The following NR4A2 variants were observed in gnomAD, a reference collection of about 807,000 sequenced individuals.
NR4A2 encodes the protein nuclear receptor subfamily 4 group A member 2, also known as NGFI-B/nur77 beta-type transcription factor homolog.
NR4A2 carries 1 observed loss-of-function variant against 50.5 expected under a neutral mutation model. That is an observed-to-expected ratio of 0.02 (90% confidence interval 0.01 to 0.09). NR4A2 has a LOEUF of 0.09. Among genes scored for constraint, NR4A2 ranks in the 10% least tolerant of loss-of-function variants. The pLI is 1.00. For synonymous variants in NR4A2, 328 were observed against 309.4 expected (o/e 1.06, Z -0.63); for missense variants, 613 against 777.3 (o/e 0.79, Z 2.51).
rs1686739778 is a variant in NR4A2, at chr2:156,328,106, G to A, written c.995-92C>T. 10 of 1,520,116 alleles carry A rather than the reference G, an allele frequency of 6.6e-6. No individual in the cohort carries two copies. Among genetic ancestry groups the A allele is most frequent in the Non-Finnish European group, 8.9e-6 (10 of 1,119,662 alleles). 94.2% of individuals were successfully genotyped at this position (1,520,116 alleles called of 1,614,324 possible). A position where few individuals can be genotyped will look rare whatever the true frequency, so the allele number is the denominator to read the frequency against. ...CCCCGGGGAAGGCCGCAGCCGCGGG[G>A]CACCAGGCTGAGCGGCTGAGGGCCC... is the stretch of plus-strand genomic sequence containing the variant. On this transcript the variant is annotated intron_variant, in intron 4 of 7. Transcript: ENST00000339562. The surrounding 1 kb of genome is among the most constrained non-coding windows in gnomAD (Gnocchi z 4.9).
intron 5 of NR4A2, 31 bp downstream of exon 5, chr2:156,327,820 C>T: frequency 6.4e-7 from 1 of 1,558,160 alleles, no homozygotes; most frequent in South Asian, 1.2e-5. Flanking sequence ...GTCGGTTTGT[C>T]CACATGATAT....
rs1259723742 is a variant in NR4A2, at chr2:156,328,644, A to G, written c.865-111T>C. 12 of 1,256,178 alleles carry G rather than the reference A, an allele frequency of 9.6e-6. No individual in the cohort carries two copies. The highest frequency in any genetic ancestry group is 1.3e-5 in the Non-Finnish European group (11 of 861,228). 77.8% of individuals were successfully genotyped at this position (1,256,178 alleles called of 1,614,324 possible). A position where few individuals can be genotyped will look rare whatever the true frequency, so the allele number is the denominator to read the frequency against. ...GGGTCTACGATTCCTCCCCACAAAC[A>G]AACACATACACACAATTCCATTTTA... On this transcript the variant is annotated intron_variant, in intron 3 of 7. Coordinates refer to ENST00000339562, the MANE Select transcript of NR4A2 (RefSeq NM_006186.4). The surrounding 1 kb of genome is among the most constrained non-coding windows in gnomAD (Gnocchi z 4.9).
Position 156,325,443 on chromosome 2 carries a change from C to A in NR4A2, c.*301G>T. The A allele has an allele frequency of 2.5e-6, 1 of 402,098 alleles. No homozygotes were observed. Among genetic ancestry groups the A allele is most frequent in the Non-Finnish European group, 4.7e-6 (1 of 213,094 alleles). The allele number at this position is 402,098 out of a possible 1,614,324, so 24.9% of individuals were successfully genotyped here. A position where few individuals can be genotyped will look rare whatever the true frequency, so the allele number is the denominator to read the frequency against. ...AGCAATCTTTCTTCTGAACAACAAA[C>A]TGATTTTTAAACTGAGAATAAAAAG... On this transcript the variant is annotated 3_prime_UTR_variant, in exon 8 of 8. Coordinates refer to ENST00000339562, the MANE Select transcript of NR4A2 (RefSeq NM_006186.4).
Position 156,329,304 on chromosome 2 carries a change from C to G in NR4A2, c.864+19G>C, listed in dbSNP as rs980830107. On this transcript the variant is annotated intron_variant, in intron 3 of 7. Transcript: ENST00000339562. This position sits in a 1 kb window ranked among gnomAD's most constrained non-coding sequence, Gnocchi z 7.5. ...CTAGGGGCTCCCTACCTGCCTACTCCGCTCCCGCCATTGCTCACCTTAAAG... is the reference window on the plus strand; with the variant it reads ...CTAGGGGCTCCCTACCTGCCTACTCGGCTCCCGCCATTGCTCACCTTAAAG... 3.1e-6 allele frequency: 5 copies of G among 1,604,988 alleles called. No homozygotes were observed. The South Asian group carries it at 4.5e-5, about 14-fold the overall frequency.
chr2:156,331,700 G>T (rs1686934556), intron 1 of NR4A2: 1 of 152,132 alleles, frequency 6.6e-6, no homozygotes, highest in African/African-American at 2.4e-5. Flanking sequence ...AATGAAAAAA[G>T]AAAGCCAGTA....
rs886054979 is a variant in NR4A2 at position 156,332,497 on chromosome 2, C to T, written c.-144G>A. On this transcript the variant is annotated 5_prime_UTR_variant, in exon 1 of 8. Transcript: ENST00000339562. ...CTACTCACTTAGGAGTTCTCCGCGT[C>T]TGTCTTCATTCATTCAACTCTGCCG... is the stretch of plus-strand genomic sequence containing the variant. The T allele has an allele frequency of 7.8e-6, 10 of 1,289,222 alleles. No individual in the cohort carries two copies. Among genetic ancestry groups the T allele is most frequent in the Non-Finnish European group, 9.1e-6 (9 of 988,684 alleles). 79.9% of individuals were successfully genotyped at this position (1,289,222 alleles called of 1,614,324 possible). A position where few individuals can be genotyped will look rare whatever the true frequency, so the allele number is the denominator to read the frequency against.
chr2:156,328,562 TTTTTTTTCTTCTTTTGAAAATCAG>T lies in NR4A2; in HGVS notation c.865-53_865-30del, dbSNP rs769315364. 6.2e-7 allele frequency: 1 copy of T among 1,612,734 alleles called. No individual in the cohort carries two copies. The highest frequency in any genetic ancestry group is 1.1e-5 in the South Asian group (1 of 91,050). On this transcript the variant is annotated intron_variant, in intron 3 of 7. Coordinates refer to ENST00000339562, the MANE Select transcript of NR4A2 (RefSeq NM_006186.4). The surrounding 1 kb of genome is among the most constrained non-coding windows in gnomAD (Gnocchi z 4.9). ...CAAAAGGAGACAATATAGACCAACA[TTTTTTTTCTTCTTTTGAAAATCAG>T]GCAACTCGGAGAAAATTTCTGTTAT...
rs758378777 is a variant in NR4A2, at chr2:156,329,920, G to A, written c.267C>T (p.Ser89=). 5 of 1,614,018 alleles carry A rather than the reference G, an allele frequency of 3.1e-6. No individual in the cohort carries two copies. In the Admixed American group the frequency reaches 6.7e-5, roughly 22 times the overall value. The change falls in exon 3 of 8, where the codon TCC becomes TCT. Residue 89 remains serine, a synonymous_variant. Coordinates refer to ENST00000339562, the MANE Select transcript of NR4A2 (RefSeq NM_006186.4). This position sits in a 1 kb window ranked among gnomAD's most constrained non-coding sequence, Gnocchi z 7.5. ...GCATCTGAATGTCTTCTACCTTAAT[G>A]GAGGACTGCTGTCCGGACAGGGGCA... ...YQMPLSGQQS[S]IKVEDIQMHN... is the part of the protein sequence containing the mutation.
rs943584286 is a variant in NR4A2 at position 156,326,989 on chromosome 2, C to G, written c.1159-69G>C. 6.7e-7 allele frequency: 1 copy of G among 1,491,676 alleles called. No individual in the cohort carries two copies. Among genetic ancestry groups the G allele is most frequent in the Admixed American group, 1.7e-5 (1 of 59,620 alleles). The allele number at this position is 1,491,676 out of a possible 1,614,324, so 92.4% of individuals were successfully genotyped here. A position where few individuals can be genotyped will look rare whatever the true frequency, so the allele number is the denominator to read the frequency against. ...TATATAACCCGTGAAATTGCTAACC[C>G]CGTTTCTAATAGGGGAGCCAGGTTT... On this transcript the variant is annotated intron_variant, in intron 5 of 7. Transcript: ENST00000339562. The surrounding 1 kb of genome is among the most constrained non-coding windows in gnomAD (Gnocchi z 4.2).
rs200894854 is a variant in NR4A2, at chr2:156,327,830, T to TC, written c.1158+20dup. 790 of 1,560,492 alleles carry TC rather than the reference T, an allele frequency of 5.1e-4. 5 individuals are homozygous for TC. The highest frequency in any genetic ancestry group is 1.3e-3 in the East Asian group (54 of 42,218). ...CATCTGTCGGTTTGTCCACATGATA[T>TC]CCCCCCCGCCAGCTTCTTACCCTGG... On this transcript the variant is annotated intron_variant, in intron 5 of 7. Coordinates refer to ENST00000339562, the MANE Select transcript of NR4A2 (RefSeq NM_006186.4).
chr2:156,327,803 C>T (rs371559290), intron 5 of NR4A2, 48 bp downstream of exon 5: 25 of 1,552,210 alleles, frequency 1.6e-5, no homozygotes, highest in Non-Finnish European at 2.2e-5. Flanking sequence ...AGGGGTCCTG[C>T]CCATCTGTCG....
chr2:156,328,049 C>A lies in NR4A2; in HGVS notation c.995-35G>T. 2.5e-6 allele frequency: 4 copies of A among 1,588,194 alleles called. No homozygotes were observed. The highest frequency in any genetic ancestry group is 2.6e-6 in the Non-Finnish European group (3 of 1,165,876). ...AAGAGCCCTGTTAGCGCCGCTTTTC[C>A]GAGCCCAGGCCCAGCTGCTGCCTCG... On this transcript the variant is annotated intron_variant, in intron 4 of 7. Transcript: ENST00000339562. This position sits in a 1 kb window ranked among gnomAD's most constrained non-coding sequence, Gnocchi z 4.9.
chr2:156,330,429 A>G (rs547318383), intron 2 of NR4A2, among the ~76,000 whole-genome samples: 1 of 151,890 alleles, frequency 6.6e-6, no homozygotes, highest in East Asian at 1.9e-4. Context: ...GGTATTTCCA[A>G]ACATCTCCCT....
In NR4A2 at chr2:156,328,385, G is replaced by C. The variant is rs1686754316; in HGVS notation, c.994+19C>G. On this transcript the variant is annotated intron_variant, in intron 4 of 7. Transcript: ENST00000339562. The surrounding 1 kb of genome is among the most constrained non-coding windows in gnomAD (Gnocchi z 4.9). The stretch of plus-strand genomic sequence containing the variant: ...CCTAAAGGCGCAAACTGGAGGGTCG[G>C]CAGCTCCCCTCAGCCTACCTTCTTT... 6.2e-7 allele frequency: 1 copy of C among 1,613,970 alleles called. No homozygotes were observed. The highest frequency in any genetic ancestry group is 1.3e-5 in the African/African-American group (1 of 74,908).
At position 156,330,732 on chromosome 2, in the gene NR4A2, G is replaced by A. The variant is rs934519422; in HGVS notation, c.-67C>T. ...TGGACAGTGTCGTAATTCAATGAAG[G>A]ACAAAGTTTCCAAGATTTTTAGAAA... On this transcript the variant is annotated 5_prime_UTR_variant, in exon 2 of 8. Transcript: ENST00000339562. 10 of 1,256,528 alleles carry A rather than the reference G, an allele frequency of 8.0e-6. No individual in the cohort carries two copies. 77.8% of individuals were successfully genotyped at this position (1,256,528 alleles called of 1,614,324 possible). A position where few individuals can be genotyped will look rare whatever the true frequency, so the allele number is the denominator to read the frequency against.
At position 156,328,368 on chromosome 2, in the gene NR4A2, C is replaced by T; in HGVS notation, c.994+36G>A. 1 of 1,613,934 alleles carries T rather than the reference C, an allele frequency of 6.2e-7. No homozygotes were observed. ...AGTATGAGCAGTGGTTTCCTAAAGGCGCAAACTGGAGGGTCGGCAGCTCCC... is the reference window on the plus strand; with the variant it reads ...AGTATGAGCAGTGGTTTCCTAAAGGTGCAAACTGGAGGGTCGGCAGCTCCC... On this transcript the variant is annotated intron_variant, in intron 4 of 7. Coordinates refer to ENST00000339562, the MANE Select transcript of NR4A2 (RefSeq NM_006186.4). This position sits in a 1 kb window ranked among gnomAD's most constrained non-coding sequence, Gnocchi z 4.9.
intron 5 of NR4A2, 95 bp downstream of exon 5, chr2:156,327,756 C>A: frequency 2.0e-6 from 3 of 1,473,266 alleles, no homozygotes; most frequent in Non-Finnish European, 2.8e-6. Flanking sequence ...GCCTTCTTTA[C>A]CCCCGTTGAA....
rs556908960 is a variant in NR4A2, at chr2:156,332,460, C to T, written c.-127+20G>A. On this transcript the variant is annotated intron_variant, in intron 1 of 7. Coordinates refer to ENST00000339562, the MANE Select transcript of NR4A2 (RefSeq NM_006186.4). ...AAAAAGCATAAAAGAAGGCGAACTG[C>T]ATGGGCTGCATCTACTCACTTAGGA... 7.8e-7 allele frequency: 1 copy of T among 1,288,252 alleles called. No homozygotes were observed. Among genetic ancestry groups the T allele is most frequent in the Admixed American group, 2.3e-5 (1 of 43,568 alleles). The allele number at this position is 1,288,252 out of a possible 1,614,324, so 79.8% of individuals were successfully genotyped here. A position where few individuals can be genotyped will look rare whatever the true frequency, so the allele number is the denominator to read the frequency against.
chr2:156,325,616 AGGGTTACAGAAATGGG>A lies in NR4A2; in HGVS notation c.*112_*127del. The A allele has an allele frequency of 1.7e-6, 2 of 1,173,992 alleles. No homozygotes were observed. Among genetic ancestry groups the A allele is most frequent in the Non-Finnish European group, 2.6e-6 (2 of 782,054 alleles). The allele number at this position is 1,173,992 out of a possible 1,614,324, so 72.7% of individuals were successfully genotyped here. A position where few individuals can be genotyped will look rare whatever the true frequency, so the allele number is the denominator to read the frequency against. ...TTCTTTAGGGATCAAGGGGGCTAGG[AGGGTTACAGAAATGGG>A]GGGCAGCTTGAGCTGAGACTGCTCA... On this transcript the variant is annotated 3_prime_UTR_variant, in exon 8 of 8. Coordinates refer to ENST00000339562, the MANE Select transcript of NR4A2 (RefSeq NM_006186.4).
Sources: allele counts gnomAD v4.1 joint callset (sites outside exome capture counted in the v4.1 genomes callset), GRCh38; gene constraint gnomAD v4.1.1; non-coding constraint Gnocchi (gnomAD v3.1); transcripts MANE v1.5; gene names NCBI Gene and HGNC (gene_info 2026-07-23, HGNC 2026-07-21).